Variants in STK39 observed in about 807,000 individuals in gnomAD.
The protein encoded by STK39 is STE20/SPS1-related proline-alanine-rich protein kinase.
In STK39, 20 loss-of-function variants were observed where a neutral mutation model predicts 77.8. That is an observed-to-expected ratio of 0.26 (90% CI 0.18 to 0.37). The LOEUF is 0.37. STK39 is among the 10% of genes least tolerant of loss of function. STK39 has a pLI of 1.00. For missense variants in STK39, 479 were observed against 656.5 expected (o/e 0.73, Z 2.95); for synonymous variants, 246 against 234.1 (o/e 1.05, Z -0.47).
intron 10 of STK39, among the ~76,000 whole-genome samples, chr2:168,101,379 A>G (rs1239143245): frequency 6.6e-6 from 1 of 152,204 alleles, no homozygotes; most frequent in Non-Finnish European, 1.5e-5. Context: ...AAAAGCCTAC[A>G]TTTGAGAGCT....
intron 1 of STK39, among the ~76,000 whole-genome samples, chr2:168,231,261 C>T (rs1410412575): frequency 6.6e-6 from 1 of 152,070 alleles, no homozygotes. Flanking sequence ...ATTAATGTCA[C>T]TTTAGAAAAT....
intron 12 of STK39, among the ~76,000 whole-genome samples, chr2:168,073,969 A>C (rs114046692): frequency 0.021 from 3,140 of 152,286 alleles, 113 homozygotes; most frequent in African/African-American, 0.072. Flanking sequence ...TGATAAACAT[A>C]GGAGAAAACA....
chr2:168,029,254 T>A (rs1391652786), intron 14 of STK39, among the ~76,000 whole-genome samples: 3 of 152,198 alleles, frequency 2.0e-5, no homozygotes, highest in Admixed American at 6.5e-5. Context: ...TTTACTTGCC[T>A]GAAACTAAGG....
rs190497507 is a variant in STK39, at chr2:168,191,418, A to C, written c.209-9328T>G. ...AAAAAAAAAATTAAAATTGGTGTCTAAGCCCCAGTACAACAACTCCAGAGT... is the reference window on the plus strand; with the variant it reads ...AAAAAAAAAATTAAAATTGGTGTCTCAGCCCCAGTACAACAACTCCAGAGT... On this transcript the variant is annotated intron_variant, in intron 1 of 17. Coordinates refer to ENST00000355999, the MANE Select transcript of STK39 (RefSeq NM_013233.3). 4.8e-3 allele frequency among the ~76,000 whole-genome samples: 726 copies of C among 152,294 alleles called. 4 individuals are homozygous for C. Among genetic ancestry groups the C allele is most frequent in the African/African-American group, 0.016 (671 of 41,564 alleles).
At chr2:167,986,248 A>G (rs1446387469) in intron 16 of STK39, among the ~76,000 whole-genome samples, 1 of 152,200 alleles carries the variant, frequency 6.6e-6, no homozygotes, top group African/African-American at 2.4e-5. Context: ...AAATTATTTG[A>G]AAGAACGACA....
chr2:168,043,064 T>C (rs1357427501), intron 14 of STK39, among the ~76,000 whole-genome samples: 2 of 152,188 alleles, frequency 1.3e-5, no homozygotes, highest in Non-Finnish European at 2.9e-5. Context: ...AGAACTATTA[T>C]CTACCTGGCC....
chr2:168,137,981 A>T (rs1184613916), intron 8 of STK39, 107 bp downstream of exon 8: 1 of 1,437,816 alleles, frequency 7.0e-7, no homozygotes, highest in African/African-American at 1.4e-5. Context: ...GGTTTCCCAG[A>T]CAAGAAATAC....
At chr2:168,041,380 A>G (rs79122854) in intron 14 of STK39, among the ~76,000 whole-genome samples, 3,046 of 152,084 alleles carry the variant, frequency 0.02, 108 homozygotes, top group African/African-American at 0.069. Flanking sequence ...TTGAAAAGTA[A>G]TTTGCCCAGG....
At chr2:167,987,372 T>C (rs1211612205) in intron 16 of STK39, among the ~76,000 whole-genome samples, 1 of 152,184 alleles carries the variant, frequency 6.6e-6, no homozygotes, top group Non-Finnish European at 1.5e-5. Flanking sequence ...AACTCTGTGA[T>C]AGCATCACCC....
chr2:168,065,975 C>A (rs187732765), intron 12 of STK39, among the ~76,000 whole-genome samples: 84 of 152,204 alleles, frequency 5.5e-4, no homozygotes, highest in African/African-American at 2.0e-3. Flanking sequence ...GCCTTGAGCT[C>A]TACTTTTGGG....
At chr2:168,042,577 C>CTTTT (rs540413448) in intron 14 of STK39, among the ~76,000 whole-genome samples, 36 of 133,048 alleles carry the variant, frequency 2.7e-4, no homozygotes, top group Non-Finnish European at 2.2e-4. Context: ...TTCCTTCCTT[C>CTTTT]TTTTTTTTTT....
At chr2:168,116,926 A>C (rs1267502331) in intron 10 of STK39, among the ~76,000 whole-genome samples, 1 of 152,242 alleles carries the variant, frequency 6.6e-6, no homozygotes, top group African/African-American at 2.4e-5. Context: ...CCTAATTTAA[A>C]GCTATTTTTG....
In STK39 at chr2:168,075,341, T is replaced by C. The variant is rs1686052733; in HGVS notation, c.1090-110A>G. On this transcript the variant is annotated intron_variant, in intron 10 of 17. Transcript: ENST00000355999. ...CACACCAACCTGAAAATAACCTGAG[T>C]GGCTGTGAATCCAGGGATAGCTAGC... 30 of 1,434,714 alleles carry C rather than the reference T, an allele frequency of 2.1e-5. No individual in the cohort carries two copies. In the South Asian group the frequency reaches 3.4e-4, roughly 16 times the overall value. The allele number at this position is 1,434,714 out of a possible 1,614,324, so 88.9% of individuals were successfully genotyped here.
At chr2:168,139,452 C>A (rs1265588707) in intron 7 of STK39, among the ~76,000 whole-genome samples, 1 of 144,698 alleles carries the variant, frequency 6.9e-6, no homozygotes, top group African/African-American at 2.7e-5. Context: ...TACACTGAAA[C>A]CTTAGTAGAG....
In STK39 at chr2:168,163,741, G is replaced by C; in HGVS notation, c.570C>G (p.His190Gln). 1 of 1,613,754 alleles carries C rather than the reference G, an allele frequency of 6.2e-7. No individual in the cohort carries two copies. Among genetic ancestry groups the C allele is most frequent in the South Asian group, 1.1e-5 (1 of 91,058 alleles). ...AAACATCTCTGCAGAGGTCATACCT[G>C]TGAATCTGACCGTTTCTGTGTAGAT... ...LDYLHRNGQI[H>Q]RDLKAGNILL... Residue 190 changes from histidine (H) to glutamine (Q), a missense_variant and splice_region_variant, in exon 4 of 18, where the codon CAC (histidine) becomes CAG (glutamine). By Grantham distance (24) the His-to-Gln change is conservative (BLOSUM62 0). Transcript: ENST00000355999.
chr2:168,196,441 T>C (rs191584891), intron 1 of STK39, among the ~76,000 whole-genome samples: 1 of 152,318 alleles, frequency 6.6e-6, no homozygotes, highest in Non-Finnish European at 1.5e-5. Flanking sequence ...GGCAGGTGAA[T>C]CACCTGAGGT....
intron 3 of STK39, among the ~76,000 whole-genome samples, chr2:168,164,276 G>T (rs1559128309): frequency 6.6e-6 from 1 of 151,822 alleles, no homozygotes; most frequent in African/African-American, 2.4e-5. Flanking sequence ...ACTGCTGAGA[G>T]AAAAAAAACA....
rs78576758 is a variant in STK39 at position 168,096,992 on chromosome 2, T to C, written c.1090-21761A>G. On this transcript the variant is annotated intron_variant, in intron 10 of 17. Transcript: ENST00000355999. ...AAAACGCTATTAATTTACTGTTCTA[T>C]GGCCCTTTCTTAACACATACTACTA... 3.9e-4 allele frequency among the ~76,000 whole-genome samples: 59 copies of C among 152,350 alleles called. 1 individual carries two copies. In the East Asian group the frequency reaches 0.011, roughly 27 times the overall value.
At chr2:168,002,115 C>T (rs1684016890) in intron 16 of STK39, among the ~76,000 whole-genome samples, 1 of 152,224 alleles carries the variant, frequency 6.6e-6, no homozygotes, top group African/African-American at 2.4e-5. Context: ...AATCCACTGG[C>T]AAGCTCTTGT....
Sources: allele counts gnomAD v4.1 joint callset (sites outside exome capture counted in the v4.1 genomes callset), GRCh38; gene constraint gnomAD v4.1.1; transcripts MANE v1.5; gene names NCBI Gene and HGNC (gene_info 2026-07-23, HGNC 2026-07-21).